The following ACER1 variants were observed in gnomAD, a reference collection of about 807,000 sequenced individuals.
ACER1 encodes alkaline ceramidase 1.
ACER1 carries 28 observed loss-of-function variants against 24.9 expected under a neutral mutation model. The ratio of observed to expected loss-of-function variants is 1.13; its 90% CI spans 0.83 to 1.54. ACER1 has a LOEUF of 1.54. ACER1 is among the 40% of genes most tolerant of loss of function. ACER1 has a pLI of 0.00. For synonymous variants in ACER1, 132 were observed against 131.4 expected (o/e 1.00, Z -0.03); for missense variants, 352 against 349.3 (o/e 1.01, Z -0.06).
intron 3 of ACER1, 89 bp from the exon 4 acceptor site, chr19:6,309,923 T>C (rs2091569556): frequency 6.5e-7 from 1 of 1,528,556 alleles, no homozygotes; most frequent in Admixed American, 1.9e-5. Flanking sequence ...CCCAGGTGGG[T>C]GAGAAAAGGA....
At chr19:6,358,788 C>A in the ACER1 span, among the ~76,000 whole-genome samples, 1 of 151,346 alleles carries the variant, frequency 6.6e-6, no homozygotes, top group African/African-American at 2.4e-5. Context: ...ACAAAATTAG[C>A]TGGGCGTGGT....
chr19:6,309,001 C>T (rs1243769397), intron 4 of ACER1, among the ~76,000 whole-genome samples: 1 of 151,836 alleles, frequency 6.6e-6, no homozygotes, highest in Non-Finnish European at 1.5e-5. Context: ...GAGTTTGAGA[C>T]CAGCCTGGCC....
chr19:6,339,400 G>A, the ACER1 span, among the ~76,000 whole-genome samples: 4 of 152,012 alleles, frequency 2.6e-5, no homozygotes, highest in Admixed American at 1.3e-4. Flanking sequence ...ACTCCTAGGA[G>A]GTCCCCAAAG....
At position 6,306,798 on chromosome 19, in the gene ACER1, G is replaced by T; in HGVS notation, c.711C>A (p.Thr237=). The change falls in exon 6 of 6, where the codon ACC becomes ACA. Residue 237 remains threonine (T), a synonymous_variant. Transcript: ENST00000301452. ...CCCGAGGCCAGTAGCGGACTTTGAG[G>T]GTTTCACCTGGCATCTCATAGTTGG... ...VDANYEMPGE[T]LKVRYWPRDS... 2 of 1,614,186 alleles carry T rather than the reference G, an allele frequency of 1.2e-6. No homozygotes were observed. The highest frequency in any genetic ancestry group is 4.5e-5 in the East Asian group (2 of 44,872).
chr19:6,338,771 C>T, the ACER1 span, among the ~76,000 whole-genome samples: 1 of 152,082 alleles, frequency 6.6e-6, no homozygotes, highest in Admixed American at 6.6e-5. Context: ...GACAGGTTCT[C>T]ACTATGTCTC....
At chr19:6,341,828 A>G in the ACER1 span, among the ~76,000 whole-genome samples, 1 of 151,980 alleles carries the variant, frequency 6.6e-6, no homozygotes, top group African/African-American at 2.4e-5. Flanking sequence ...CGCGGGTTTC[A>G]CCAGGTTGGC....
chr19:6,326,536 G>C (rs184101805), intron 1 of ACER1, among the ~76,000 whole-genome samples: 2,020 of 151,788 alleles, frequency 0.013, 17 homozygotes, highest in Middle Eastern at 0.02. Flanking sequence ...AAGTGCTGGG[G>C]TTACAGGTGT....
At chr19:6,320,731 T>G (rs572120628) in intron 1 of ACER1, among the ~76,000 whole-genome samples, 42 of 152,152 alleles carry the variant, frequency 2.8e-4, no homozygotes, top group Non-Finnish European at 5.6e-4. Flanking sequence ...CAATTGTAAT[T>G]TGCATACTGT....
At chr19:6,310,993 G>A (rs538596793) in intron 3 of ACER1, among the ~76,000 whole-genome samples, 5 of 151,954 alleles carry the variant, frequency 3.3e-5, no homozygotes, top group East Asian at 1.9e-4. Flanking sequence ...TCTAAAGGGG[G>A]ATCCCAGGGA....
intron 1 of ACER1, among the ~76,000 whole-genome samples, chr19:6,329,875 A>AT (rs540451359): frequency 0.025 from 3,568 of 144,400 alleles, 53 homozygotes; most frequent in East Asian, 0.048. Flanking sequence ...TTAATTTTTA[A>AT]TTTTTTTTTT....
the ACER1 span, among the ~76,000 whole-genome samples, chr19:6,354,876 G>A: frequency 1.1e-4 from 16 of 152,100 alleles, no homozygotes; most frequent in African/African-American, 1.7e-4. Flanking sequence ...ATGCCGAGCC[G>A]AAGCTGGACT....
At chr19:6,307,030 G>C in intron 5 of ACER1, 123 bp downstream of exon 5, 1 of 1,506,120 alleles carries the variant, frequency 6.6e-7, no homozygotes, top group Non-Finnish European at 9.0e-7. Flanking sequence ...CTACCGCCAG[G>C]TCCCAGTGTC....
At chr19:6,348,366 G>A in the ACER1 span, among the ~76,000 whole-genome samples, 2 of 151,032 alleles carry the variant, frequency 1.3e-5, no homozygotes, top group African/African-American at 4.9e-5. Flanking sequence ...TCTGGAGGCT[G>A]AGACAGGAGA....
intron 3 of ACER1, among the ~76,000 whole-genome samples, chr19:6,310,897 G>C (rs960584784): frequency 6.7e-6 from 1 of 149,836 alleles, no homozygotes; most frequent in African/African-American, 2.5e-5. Context: ...AAAAAAAGAA[G>C]AAGGAGAAGG....
chr19:6,309,983 A>G (rs545641300), intron 3 of ACER1, 149 bp from the exon 4 acceptor site: 2 of 969,962 alleles, frequency 2.1e-6, no homozygotes, highest in Non-Finnish European at 3.0e-6. Context: ...CTAGCCAGGC[A>G]GGGCACGGTG....
chr19:6,350,554 G>A, the ACER1 span, among the ~76,000 whole-genome samples: 1 of 140,674 alleles, frequency 7.1e-6, no homozygotes, highest in Non-Finnish European at 1.5e-5. Flanking sequence ...CTGGGTGACA[G>A]AGCAAGACTC....
chr19:6,315,416 G>A (rs978975562), intron 1 of ACER1, among the ~76,000 whole-genome samples: 4 of 151,600 alleles, frequency 2.6e-5, no homozygotes, highest in Admixed American at 6.6e-5. Flanking sequence ...GTCTCACTCC[G>A]TCGCCCAGGC....
intron 1 of ACER1, among the ~76,000 whole-genome samples, chr19:6,313,164 G>A (rs1040248120): frequency 1.3e-5 from 2 of 151,950 alleles, no homozygotes; most frequent in African/African-American, 2.4e-5. Context: ...CTGCTGCCAG[G>A]CTGGAGTGCA....
At chr19:6,339,104 T>C in the ACER1 span, among the ~76,000 whole-genome samples, 3 of 148,554 alleles carry the variant, frequency 2.0e-5, no homozygotes, top group African/African-American at 7.5e-5. Context: ...TTGGAACTCC[T>C]GACCTCAGGT....
Sources: gnomAD v4.1 joint callset for allele counts (sites outside exome capture counted in the v4.1 genomes callset) on GRCh38, gnomAD v4.1.1 for gene constraint, MANE v1.5 for transcripts, NCBI Gene and HGNC (gene_info 2026-07-23, HGNC 2026-07-21) for gene names.